Variants in ATAT1 observed in about 807,000 individuals in gnomAD.
ATAT1 encodes the protein alpha tubulin acetyltransferase 1.
ATAT1 carries 42 observed loss-of-function variants against 57.2 expected under a neutral mutation model. The ratio of observed to expected loss-of-function variants is 0.73; its 90% CI spans 0.57 to 0.95. The LOEUF (loss-of-function observed/expected upper bound fraction) is 0.95. Ranked by LOEUF, ATAT1 falls within the 40% of genes least tolerant of loss-of-function variation. ATAT1 has a pLI of 0.00. For synonymous variants in ATAT1, 168 were observed against 187.1 expected, an observed-to-expected ratio of 0.90 and a Z score of 0.83; for missense variants, 454 against 523.7, an observed-to-expected ratio of 0.87 and a Z score of 1.30.
intron 10 of ATAT1, chr6:30,643,736 T>C: frequency 1.4e-6 from 2 of 1,398,366 alleles, no homozygotes; most frequent in Non-Finnish European, 1.9e-6. Context: ...TCAAACTGCC[T>C]AACACTTTGT....
Position 30,642,229 on chromosome 6 carries a change from T to A in ATAT1, c.670T>A (p.Ser224Thr). ...AGCAGAGGGAGACATCAAGCCATAC[T>A]CCTCTAGTGACCGAGAATGTAAGAG... Residue 224 changes from serine (S) to threonine (T), a missense_variant, in exon 9 of 13, where the codon TCC becomes ACC. By Grantham distance (58) the Ser-to-Thr change is moderately conservative (BLOSUM62 1). Around this residue, in one of 3 missense-constraint regions of ATAT1, gnomAD observed 236 missense variants for 284.5 expected, o/e 0.83. Transcript: ENST00000330083. 1 of 1,614,056 alleles carries A rather than the reference T, an allele frequency of 6.2e-7. No homozygotes were observed. Among genetic ancestry groups the A allele is most frequent in the Non-Finnish European group, 8.5e-7 (1 of 1,180,012 alleles).
chr6:30,632,571 A>G (rs1445032780), intron 6 of ATAT1, among the ~76,000 whole-genome samples: 1 of 152,030 alleles, frequency 6.6e-6, no homozygotes, highest in African/African-American at 2.4e-5. Flanking sequence ...GACTCCATCA[A>G]AGAAAAAAGA....
chr6:30,637,211 A>G (rs1402702506), intron 6 of ATAT1, among the ~76,000 whole-genome samples: 1 of 152,146 alleles, frequency 6.6e-6, no homozygotes, highest in Non-Finnish European at 1.5e-5. Context: ...TGGTATCTAT[A>G]TGCATCATCT....
In ATAT1 at chr6:30,646,369, T is replaced by C. The variant is rs189350935; in HGVS notation, c.1056-100T>C. ...TGGTTCCAGCTTCATACCCATCATG[T>C]GTCCTACATTAAAACCTGGCCCGAG... On this transcript the variant is annotated intron_variant, in intron 12 of 12. Transcript: ENST00000330083. 4.1e-6 allele frequency: 6 copies of C among 1,449,454 alleles called. No homozygotes were observed. The East Asian group carries it at 1.3e-4, about 30-fold the overall frequency. 89.8% of individuals were successfully genotyped at this position (1,449,454 alleles called of 1,614,324 possible). A position where few individuals can be genotyped will look rare whatever the true frequency, so the allele number is the denominator to read the frequency against.
chr6:30,642,833 G>GGGGCCCCCCCC lies in ATAT1; in HGVS notation c.754_755insGGGCCCCCCCC (p.Ala252GlyfsTer71). 4 of 1,537,868 alleles carry GGGGCCCCCCCC rather than the reference G, an allele frequency of 2.6e-6. No homozygotes were observed. The highest frequency in any genetic ancestry group is 2.4e-5 in the East Asian group (1 of 42,460). The stretch of plus-strand genomic sequence containing the variant: ...GGCCCCTCGCCGCGCCACACCTCCA[G>GGGGCCCCCCCC]CCCACCCACCCCCCCGCTCCAGCAG... On this transcript the variant is annotated frameshift_variant, in exon 10 of 13. Transcript: ENST00000330083. LOFTEE classifies it high-confidence loss of function.
chr6:30,634,180 T>C (rs1763505326), intron 6 of ATAT1, among the ~76,000 whole-genome samples: 1 of 152,212 alleles, frequency 6.6e-6, no homozygotes, highest in Admixed American at 6.5e-5. Context: ...CTTGCTCTTT[T>C]AAAAGTACTT....
Position 30,642,174 on chromosome 6 carries a change from A to T in ATAT1, c.617-2A>T. 1 of 1,614,156 alleles carries T rather than the reference A, an allele frequency of 6.2e-7. No homozygotes were observed. Among genetic ancestry groups the T allele is most frequent in the Admixed American group, 1.7e-5 (1 of 60,016 alleles). On this transcript the variant is annotated splice_acceptor_variant, in intron 8 of 12. Coordinates refer to ENST00000330083, the MANE Select transcript of ATAT1 (RefSeq NM_001031722.4). LOFTEE classifies it high-confidence loss of function. ...CCCTGCCTATGTCCCCTCCACTGCC[A>T]GCTCCAGCAAGGAAGCTGCCACCCA... is the stretch of plus-strand genomic sequence containing the variant.
chr6:30,640,688 G>A, intron 8 of ATAT1, 85 bp downstream of exon 8: 1 of 1,519,094 alleles, frequency 6.6e-7, no homozygotes, highest in Non-Finnish European at 9.0e-7. Context: ...CCATCTGTGG[G>A]CAATTTTGGA....
chr6:30,639,474 T>A (rs1191709729), intron 6 of ATAT1, among the ~76,000 whole-genome samples: 1 of 151,574 alleles, frequency 6.6e-6, no homozygotes, highest in East Asian at 2.0e-4. Flanking sequence ...CTTTTCACTT[T>A]CTTTCTTTTT....
At chr6:30,646,007 A>G (rs903746470) in intron 11 of ATAT1, 33 bp downstream of exon 11, 1 of 1,604,180 alleles carries the variant, frequency 6.2e-7, no homozygotes, top group Non-Finnish European at 8.5e-7. Flanking sequence ...CCTCAAATCA[A>G]GTAGGCCACA....
rs1324169608 is a variant in ATAT1, at chr6:30,640,535, G to A, written c.548G>A (p.Arg183Gln). ...GGCCCCGCCGCTTCCTTCCTCACAG[G>A]GCCCCCTGCTCCCTCTCTGAGGGCA... The change falls in exon 8 of 13, where the codon CGG becomes CAG. Residue 183 changes from arginine (R) to glutamine (Q), a missense_variant and splice_region_variant. Arg to Gln is a conservative substitution (Grantham distance 43). Coordinates refer to ENST00000330083, the MANE Select transcript of ATAT1 (RefSeq NM_001031722.4). The A allele has an allele frequency of 3.1e-6, 5 of 1,612,788 alleles. No individual in the cohort carries two copies. The African/African-American group carries it at 4.0e-5, about 13-fold the overall frequency.
chr6:30,634,165 A>C (rs1440807598), intron 6 of ATAT1, among the ~76,000 whole-genome samples: 1 of 152,140 alleles, frequency 6.6e-6, no homozygotes, highest in African/African-American at 2.4e-5. Context: ...CAAAACTTCC[A>C]AGGTCTTGCT....
At chr6:30,638,799 C>T (rs1764729931) in intron 6 of ATAT1, among the ~76,000 whole-genome samples, 1 of 152,236 alleles carries the variant, frequency 6.6e-6, no homozygotes, top group Non-Finnish European at 1.5e-5. Context: ...GTCTCCAAGG[C>T]TGTATTTCCC....
intron 6 of ATAT1, among the ~76,000 whole-genome samples, chr6:30,637,580 G>A (rs187311228): frequency 7.6e-4 from 115 of 151,936 alleles, no homozygotes; most frequent in African/African-American, 2.7e-3. Context: ...CTACTCAGGA[G>A]GCTGAGACAG....
Position 30,646,473 on chromosome 6 carries a change from GC to G in ATAT1, c.1062del (p.Ser355ValfsTer81). ...CTCCATCTCCCCACCTACCAGGTCT[GC>G]CAGTGAGGAGCAGGCCTTGTCACAG... On this transcript the variant is annotated frameshift_variant, in exon 13 of 13. Transcript: ENST00000330083. LOFTEE classifies it low-confidence loss of function (END_TRUNC). 6.3e-7 allele frequency: 1 copy of G among 1,579,590 alleles called. No individual in the cohort carries two copies. Among genetic ancestry groups the G allele is most frequent in the South Asian group, 1.2e-5 (1 of 86,580 alleles).
chr6:30,632,252 G>A (rs1338985550), intron 6 of ATAT1, among the ~76,000 whole-genome samples: 1 of 138,474 alleles, frequency 7.2e-6, no homozygotes, highest in African/African-American at 2.7e-5. Context: ...CTGGGCGACA[G>A]AGCAAGACTC....
Position 30,646,500 on chromosome 6 carries a change from G to C in ATAT1, c.1087G>C (p.Asp363His), listed in dbSNP as rs1376650583. 2.5e-6 allele frequency: 4 copies of C among 1,597,228 alleles called. No homozygotes were observed. In the South Asian group the frequency reaches 4.5e-5, roughly 18 times the overall value. ...CAGTGAGGAGCAGGCCTTGTCACAG[G>C]ATGGGTCTGGGGAGAAGCCCATGCA... is the stretch of plus-strand genomic sequence containing the variant. Residue 363 changes from aspartate (D) to histidine (H), a missense_variant, in exon 13 of 13, where the codon GAT (aspartate) becomes CAT (histidine). By Grantham distance (81) the Asp-to-His change is moderately conservative. This residue lies in a region of ATAT1 where 216 missense variants were observed against 222.2 expected (regional missense o/e 0.97). Coordinates refer to ENST00000330083, the MANE Select transcript of ATAT1 (RefSeq NM_001031722.4).
chr6:30,637,906 G>A (rs1764495309), intron 6 of ATAT1, among the ~76,000 whole-genome samples: 1 of 152,154 alleles, frequency 6.6e-6, no homozygotes, highest in Admixed American at 6.6e-5. Flanking sequence ...AACTCAGGAG[G>A]TGGAGGTTGC....
intron 8 of ATAT1, among the ~76,000 whole-genome samples, chr6:30,641,142 CACTT>C (rs890706694): frequency 4.0e-5 from 6 of 151,760 alleles, no homozygotes; most frequent in East Asian, 3.9e-4. Context: ...CACACAAACA[CACTT>C]ACTGACAGTC....
Sources: allele counts gnomAD v4.1 joint callset (sites outside exome capture counted in the v4.1 genomes callset), GRCh38; gene constraint gnomAD v4.1.1; regional missense constraint gnomAD v4.1.1; transcripts MANE v1.5; gene names NCBI Gene and HGNC (gene_info 2026-07-23, HGNC 2026-07-21).